NLK: variants seen among roughly 807,000 people sequenced by gnomAD.
The protein encoded by NLK is serine/threonine-protein kinase NLK.
A neutral mutation model predicts 59.0 loss-of-function variants in NLK; 11 were observed. The observed-to-expected ratio is 0.19, with a 90% CI of 0.12 to 0.31. The LOEUF (loss-of-function observed/expected upper bound fraction) is 0.31, where lower values mean the gene tolerates loss of function less well. Among genes scored for constraint, NLK ranks in the 10% least tolerant of loss-of-function variants. The pLI, the probability that NLK is intolerant of heterozygous loss-of-function variation, is 1.00. For missense variants in NLK, 410 were observed against 661.1 expected, an observed-to-expected ratio of 0.62 and a Z score of 4.16; for synonymous variants, 235 against 235.9, an observed-to-expected ratio of 1.00 and a Z score of 0.03.
In NLK at chr17:28,102,448, AG is replaced by A. The variant is rs1204417225; in HGVS notation, c.459-20154del. Among the ~76,000 whole-genome samples, 4 of 152,238 alleles carry A rather than the reference AG, an allele frequency of 2.6e-5. No individual in the cohort carries two copies. The East Asian group carries it at 5.8e-4, about 22-fold the overall frequency. Reference sequence around the variant, plus strand: ...GGTGGATCATGAGGTCAGGAGATCGAGACTATCCTGGGCAACATGGTAAAAC... The same window carrying A: ...GGTGGATCATGAGGTCAGGAGATCGAACTATCCTGGGCAACATGGTAAAAC... On this transcript the variant is annotated intron_variant, in intron 1 of 10. Transcript: ENST00000407008.
downstream of NLK, among the ~76,000 whole-genome samples, chr17:28,199,303 C>CA (rs900154482): frequency 3.9e-5 from 6 of 151,986 alleles, no homozygotes; most frequent in African/African-American, 1.4e-4. Context: ...GCCAGTTCCT[C>CA]AAAAAAATTA....
intron 3 of NLK, among the ~76,000 whole-genome samples, chr17:28,151,793 A>C (rs1907491638): frequency 2.6e-5 from 4 of 152,210 alleles, no homozygotes; most frequent in Admixed American, 2.0e-4. Context: ...ATAATAGATA[A>C]TAGAAGGTTG....
intron 1 of NLK, among the ~76,000 whole-genome samples, chr17:28,044,541 G>A (rs1160586065): frequency 2.0e-5 from 3 of 152,152 alleles, no homozygotes; most frequent in Non-Finnish European, 4.4e-5. Context: ...AGTCCCCAAG[G>A]AAGTTTCTGC....
chr17:28,105,915 T>C lies in NLK; in HGVS notation c.459-16688T>C, dbSNP rs141175817. 2.0e-3 allele frequency among the ~76,000 whole-genome samples: 305 copies of C among 152,310 alleles called. 7 individuals carry two copies. Among genetic ancestry groups the C allele is most frequent in the Non-Finnish European group, 2.6e-4 (18 of 68,028 alleles). ...AGCCCTGTGTCAGACTACCAACATA[T>C]AAAGAAAATTTCTGTTTGCAATGTT... On this transcript the variant is annotated intron_variant, in intron 1 of 10. Coordinates refer to ENST00000407008, the MANE Select transcript of NLK (RefSeq NM_016231.5).
At chr17:28,111,896 G>GGTGTGTGTGTGTGTGTGTGTGTGTGT in intron 1 of NLK, among the ~76,000 whole-genome samples, 1 of 67,544 alleles carries the variant, frequency 1.5e-5, no homozygotes, top group East Asian at 5.1e-4. Flanking sequence ...GTGTGTGTGT[G>GGTGTGTGTGTGTGTGTGTGTGTGTGT]GTGTGTGTGT....
chr17:28,082,895 T>A (rs35500485), intron 1 of NLK, among the ~76,000 whole-genome samples: 2,647 of 152,318 alleles, frequency 0.017, 88 homozygotes, highest in African/African-American at 0.06. Flanking sequence ...ATTTTTAGCC[T>A]TAAGAATTGG....
downstream of NLK, among the ~76,000 whole-genome samples, chr17:28,200,228 C>CTT (rs368024747): frequency 5.2e-3 from 796 of 152,304 alleles, 13 homozygotes; most frequent in African/African-American, 0.018. Context: ...CCTAAGAACT[C>CTT]TGCCTAAACT....
In NLK at chr17:28,178,688, C is replaced by T. The variant is rs116097219; in HGVS notation, c.1149+6070C>T. Among the ~76,000 whole-genome samples, 157 of 152,224 alleles carry T rather than the reference C, an allele frequency of 1.0e-3. 1 individual carries two copies. Among genetic ancestry groups the T allele is most frequent in the African/African-American group, 3.7e-3 (153 of 41,538 alleles). ...GATAGTCCTGTCTCCTGACAGGAAC[C>T]ATATCTTATATTTAACAGACTTTAA... On this transcript the variant is annotated intron_variant, in intron 7 of 10. Transcript: ENST00000407008.
At chr17:28,118,712 A>C (rs370855378) in intron 1 of NLK, among the ~76,000 whole-genome samples, 1 of 152,198 alleles carries the variant, frequency 6.6e-6, no homozygotes, top group African/African-American at 2.4e-5. Context: ...TCAACTCTGT[A>C]TCTCTCTGAA....
At chr17:28,162,359 A>G (rs374968082) in intron 4 of NLK, among the ~76,000 whole-genome samples, 4 of 152,178 alleles carry the variant, frequency 2.6e-5, no homozygotes, top group South Asian at 2.1e-4. Context: ...CAGGCCAGGC[A>G]TGGTGATTCA....
intron 3 of NLK, among the ~76,000 whole-genome samples, chr17:28,159,553 A>G (rs1390909530): frequency 6.6e-6 from 1 of 152,224 alleles, no homozygotes; most frequent in African/African-American, 2.4e-5. Context: ...CATTTTATAG[A>G]ATAATTTTAA....
chr17:28,072,902 T>C (rs1567706315), intron 1 of NLK, among the ~76,000 whole-genome samples: 2 of 152,194 alleles, frequency 1.3e-5, no homozygotes, highest in South Asian at 4.1e-4. Flanking sequence ...CTGCTGTCTT[T>C]GTTGGTCTAA....
intron 1 of NLK, among the ~76,000 whole-genome samples, chr17:28,061,666 A>G (rs769405390): frequency 1.3e-5 from 2 of 151,506 alleles, no homozygotes; most frequent in Non-Finnish European, 2.9e-5. Context: ...TGTCTGGTAT[A>G]CTAGATTAAT....
intron 1 of NLK, among the ~76,000 whole-genome samples, chr17:28,049,828 A>G (rs1012186164): frequency 3.3e-5 from 5 of 152,122 alleles, no homozygotes; most frequent in Non-Finnish European, 5.9e-5. Flanking sequence ...TAAAAATGCA[A>G]AATTAGCTAG....
chr17:28,172,597 A>G lies in NLK; in HGVS notation c.1128A>G (p.Ile376Met). 1.9e-6 allele frequency: 3 copies of G among 1,573,502 alleles called. No individual in the cohort carries two copies. Among genetic ancestry groups the G allele is most frequent in the Non-Finnish European group, 2.6e-6 (3 of 1,160,272 alleles). The change falls in exon 7 of 11, where the codon ATA becomes ATG. Residue 376 changes from isoleucine (I) to methionine (M), a missense_variant. By Grantham distance (10) the Ile-to-Met change is conservative (BLOSUM62 1). Coordinates refer to ENST00000407008, the MANE Select transcript of NLK (RefSeq NM_016231.5). ...CTTGTGAAGGCGCTAAGGCACATAT[A>G]CTCAGGGGTCCTCATAAACAGGTGA... Reference protein sequence around the residue: ...RTACEGAKAHILRGPHKQPSL... With the variant: ...RTACEGAKAHMLRGPHKQPSL...
chr17:28,181,261 G>A lies in NLK; in HGVS notation c.1150-3918G>A, dbSNP rs147301767. On this transcript the variant is annotated intron_variant, in intron 7 of 10. Coordinates refer to ENST00000407008, the MANE Select transcript of NLK (RefSeq NM_016231.5). ...AAAAATACAAAAAAATTAGCCACGC[G>A]TGTGGCAGGTGCCTGTAATCCCAGC... Among the ~76,000 whole-genome samples the A allele has an allele frequency of 5.7e-3, 873 of 152,170 alleles. 10 individuals are homozygous for A. Among genetic ancestry groups the A allele is most frequent in the African/African-American group, 0.02 (814 of 41,520 alleles).
At chr17:28,071,933 G>T (rs574164796) in intron 1 of NLK, among the ~76,000 whole-genome samples, 36 of 152,310 alleles carry the variant, frequency 2.4e-4, no homozygotes, top group African/African-American at 8.2e-4. Context: ...TTCTCTCTTA[G>T]CAAGGGCTTC....
intron 2 of NLK, among the ~76,000 whole-genome samples, chr17:28,127,754 T>A (rs1467535044): frequency 6.6e-6 from 1 of 152,144 alleles, no homozygotes. Context: ...CTGAAACTTA[T>A]GGAAATGCAA....
intron 5 of NLK, among the ~76,000 whole-genome samples, chr17:28,164,567 G>GTA (rs1384453425): frequency 6.6e-6 from 1 of 151,986 alleles, no homozygotes; most frequent in Non-Finnish European, 1.5e-5. Flanking sequence ...TACAGCCATT[G>GTA]TCTTTCATTT....
Sources: gnomAD v4.1 joint callset for allele counts (sites outside exome capture counted in the v4.1 genomes callset) on GRCh38, gnomAD v4.1.1 for gene constraint, MANE v1.5 for transcripts, NCBI Gene and HGNC (gene_info 2026-07-23, HGNC 2026-07-21) for gene names.